SHISA9: variants seen among roughly 807,000 people sequenced by gnomAD.
SHISA9 encodes the protein protein shisa-9.
Under a neutral mutation model 38.0 loss-of-function variants are expected in SHISA9, and 13 were observed. The ratio of observed to expected loss-of-function variants is 0.34; its 90% CI spans 0.22 to 0.54. SHISA9 has a LOEUF of 0.54. SHISA9 is among the 20% of genes least tolerant of loss of function. The pLI, the probability that SHISA9 is intolerant of heterozygous loss-of-function variation, is 0.91. For missense variants in SHISA9, 538 were observed against 575.8 expected, an observed-to-expected ratio of 0.93 and a Z score of 0.67; for synonymous variants, 275 against 242.0, an observed-to-expected ratio of 1.14 and a Z score of -1.27.
the SHISA9 span, among the ~76,000 whole-genome samples, chr16:13,381,788 G>T: frequency 6.6e-6 from 1 of 152,202 alleles, no homozygotes; most frequent in Non-Finnish European, 1.5e-5. Context: ...TGTGCCTGGA[G>T]CAGGACTTGG....
intron 2 of SHISA9, among the ~76,000 whole-genome samples, chr16:13,140,934 G>A (rs112297918): frequency 6.6e-6 from 1 of 152,198 alleles, no homozygotes; most frequent in Non-Finnish European, 1.5e-5. Flanking sequence ...ATACTGGCAT[G>A]TAAAGGGGGA....
At chr16:13,544,978 T>A in the SHISA9 span, among the ~76,000 whole-genome samples, 1 of 152,102 alleles carries the variant, frequency 6.6e-6, no homozygotes, top group Non-Finnish European at 1.5e-5. Flanking sequence ...GTCAACAGTT[T>A]AGCATTGATC....
At chr16:12,963,927 C>T (rs182609334) in intron 2 of SHISA9, among the ~76,000 whole-genome samples, 1 of 152,344 alleles carries the variant, frequency 6.6e-6, no homozygotes, top group African/African-American at 2.4e-5. Context: ...AATCCCTTCC[C>T]TCTGGTCCTC....
the SHISA9 span, among the ~76,000 whole-genome samples, chr16:13,248,592 G>A: frequency 2.0e-5 from 3 of 152,126 alleles, no homozygotes; most frequent in African/African-American, 7.2e-5. Flanking sequence ...TACCAACCTT[G>A]TCGTGTTGTT....
intron 2 of SHISA9, among the ~76,000 whole-genome samples, chr16:12,992,362 TAA>T (rs34729407): frequency 1.2e-4 from 14 of 113,724 alleles, no homozygotes; most frequent in Admixed American, 2.7e-4. Context: ...CCATCTCTAC[TAA>T]AAAAAAAAAA....
rs537711553 is a variant in SHISA9, at chr16:13,235,131, C to G, written c.997C>G (p.Pro333Ala). The change falls in exon 5 of 5, where the codon CCC becomes GCC. Residue 333 changes from proline to alanine, a missense_variant. By Grantham distance (27) the Pro-to-Ala change is conservative (BLOSUM62 -1). Around this residue, in one of 4 missense-constraint regions of SHISA9, gnomAD observed 326 missense variants for 305.9 expected, o/e 1.07. Coordinates refer to ENST00000558583, the MANE Select transcript of SHISA9 (RefSeq NM_001145204.3). ...GCACCCCGTAAGAGTGGAGGACGAG[C>G]CCCGGGCCTTCAGCCCTGAGCACGG... ...PLHPVRVEDEPRAFSPEHGPA... is the reference protein window; with the variant it reads ...PLHPVRVEDEARAFSPEHGPA... The G allele has an allele frequency of 1.1e-5, 17 of 1,551,598 alleles. No individual in the cohort carries two copies. In the East Asian group the frequency reaches 4.2e-4, roughly 38 times the overall value.
At chr16:12,952,598 G>C (rs1314204837) in intron 2 of SHISA9, among the ~76,000 whole-genome samples, 1 of 152,202 alleles carries the variant, frequency 6.6e-6, no homozygotes, top group East Asian at 1.9e-4. Flanking sequence ...GGAGGTGATT[G>C]GATCATGGGG....
intron 2 of SHISA9, among the ~76,000 whole-genome samples, chr16:13,189,699 T>C (rs926419509): frequency 6.6e-6 from 1 of 152,122 alleles, no homozygotes; most frequent in Non-Finnish European, 1.5e-5. Flanking sequence ...CAGAGTTAGT[T>C]TGGGGAAAAC....
intron 2 of SHISA9, among the ~76,000 whole-genome samples, chr16:13,144,157 CTTTT>C (rs755627867): frequency 7.8e-6 from 1 of 127,810 alleles, no homozygotes; most frequent in Non-Finnish European, 1.7e-5. Context: ...GGGGCTAGTT[CTTTT>C]TTTTTTTTTT....
intron 4 of SHISA9, 100 bp downstream of exon 4, chr16:13,213,400 A>C: frequency 1.8e-6 from 2 of 1,135,538 alleles, no homozygotes; most frequent in Non-Finnish European, 2.6e-6. Flanking sequence ...TGACCTGTGC[A>C]CATGTGTGTC....
chr16:13,561,170 A>G, the SHISA9 span, among the ~76,000 whole-genome samples: 1 of 152,140 alleles, frequency 6.6e-6, no homozygotes, highest in Non-Finnish European at 1.5e-5. Context: ...CCTGGCCTTA[A>G]CATCTTTTTG....
At chr16:13,382,665 C>G in the SHISA9 span, among the ~76,000 whole-genome samples, 1 of 151,950 alleles carries the variant, frequency 6.6e-6, no homozygotes, top group Non-Finnish European at 1.5e-5. Context: ...TTGAGACAAG[C>G]TTGACCAACA....
chr16:12,943,265 A>C (rs2141761093), intron 2 of SHISA9, among the ~76,000 whole-genome samples: 1 of 128,122 alleles, frequency 7.8e-6, no homozygotes, highest in African/African-American at 2.9e-5. Context: ...TTATAATGGA[A>C]CAGAGTATGG....
At chr16:12,903,974 G>T in intron 1 of SHISA9, among the ~76,000 whole-genome samples, 1 of 152,054 alleles carries the variant, frequency 6.6e-6, no homozygotes, top group East Asian at 1.9e-4. Flanking sequence ...AAGAGATTTT[G>T]GGGGAAGAGG....
intron 2 of SHISA9, among the ~76,000 whole-genome samples, chr16:13,158,936 T>G (rs555628137): frequency 6.7e-6 from 1 of 149,172 alleles, no homozygotes; most frequent in African/African-American, 2.5e-5. Context: ...GGCATGCGCC[T>G]GTAGTCCCAG....
At chr16:13,163,169 AT>A (rs1372432677) in intron 2 of SHISA9, among the ~76,000 whole-genome samples, 1 of 152,200 alleles carries the variant, frequency 6.6e-6, no homozygotes, top group African/African-American at 2.4e-5. Flanking sequence ...AATGCTAAGC[AT>A]TTAGGTTTAC....
intron 4 of SHISA9, among the ~76,000 whole-genome samples, chr16:13,219,443 T>C (rs1191204622): frequency 6.6e-6 from 1 of 152,210 alleles, no homozygotes; most frequent in South Asian, 2.1e-4. Flanking sequence ...AATACTGGTT[T>C]ATCCATGTGA....
intron 2 of SHISA9, among the ~76,000 whole-genome samples, chr16:13,135,078 A>G (rs1166016389): frequency 6.6e-6 from 1 of 152,240 alleles, no homozygotes; most frequent in East Asian, 1.9e-4. Flanking sequence ...CTGTCAATTC[A>G]TTAGCTAAAA....
At chr16:13,154,920 G>A (rs181784558) in intron 2 of SHISA9, among the ~76,000 whole-genome samples, 1 of 152,222 alleles carries the variant, frequency 6.6e-6, no homozygotes, top group African/African-American at 2.4e-5. Flanking sequence ...GCAGAGATGG[G>A]AACTCTGTCC....
Sources: allele counts gnomAD v4.1 joint callset (sites outside exome capture counted in the v4.1 genomes callset), GRCh38; gene constraint gnomAD v4.1.1; regional missense constraint gnomAD v4.1.1; transcripts MANE v1.5; gene names NCBI Gene and HGNC (gene_info 2026-07-23, HGNC 2026-07-21).